CENPK: variants seen among roughly 807,000 people sequenced by gnomAD.
CENPK encodes the protein centromere protein K, also known as SoxLZ/Sox6-binding protein Solt.
CENPK carries 46 observed loss-of-function variants against 40.9 expected under a neutral mutation model. That is an observed-to-expected ratio of 1.13 (90% CI 0.89 to 1.44). The LOEUF (loss-of-function observed/expected upper bound fraction) is 1.44. CENPK is among the 40% of genes most tolerant of loss of function. The pLI, the probability that CENPK is intolerant of heterozygous loss-of-function variation, is 0.00. For missense variants in CENPK, 288 were observed against 303.5 expected, an observed-to-expected ratio of 0.95 and a Z score of 0.38; for synonymous variants, 107 against 104.4, an observed-to-expected ratio of 1.02 and a Z score of -0.15.
intron 10 of CENPK, among the ~76,000 whole-genome samples, chr5:65,518,967 A>G (rs1367196536): frequency 6.6e-6 from 1 of 152,210 alleles, no homozygotes; most frequent in Non-Finnish European, 1.5e-5. Context: ...AAAAACACAA[A>G]AAGTTAAAAA....
chr5:65,538,709 ATCTT>A (rs1330554064), intron 6 of CENPK, among the ~76,000 whole-genome samples: 3 of 152,282 alleles, frequency 2.0e-5, no homozygotes, highest in South Asian at 4.1e-4. Flanking sequence ...TGTTAACTTG[ATCTT>A]TCTGACTTTC....
At chr5:65,530,099 G>A (rs1344704811) in intron 6 of CENPK, among the ~76,000 whole-genome samples, 3 of 152,138 alleles carry the variant, frequency 2.0e-5, no homozygotes, top group East Asian at 1.9e-4. Context: ...CACCACGCCC[G>A]GCCCCAGGTA....
intron 4 of CENPK, among the ~76,000 whole-genome samples, chr5:65,551,886 CA>C (rs1750130541): frequency 1.3e-5 from 2 of 151,328 alleles, no homozygotes; most frequent in South Asian, 4.2e-4. Flanking sequence ...AGAGTAAAAT[CA>C]ATTCAGATTC....
intron 9 of CENPK, among the ~76,000 whole-genome samples, chr5:65,525,844 C>A (rs1744610266): frequency 6.7e-6 from 1 of 148,394 alleles, no homozygotes; most frequent in Non-Finnish European, 1.5e-5. Context: ...TGGTCACCTA[C>A]AAGCCAGGAA....
intron 6 of CENPK, among the ~76,000 whole-genome samples, chr5:65,542,313 T>C (rs1748113137): frequency 1.3e-5 from 2 of 152,204 alleles, no homozygotes; most frequent in Admixed American, 6.5e-5. Context: ...CTAACTTCAG[T>C]AATAGTTCTG....
chr5:65,533,474 ATGG>A (rs1746277488), intron 6 of CENPK, among the ~76,000 whole-genome samples: 1 of 152,280 alleles, frequency 6.6e-6, no homozygotes, highest in Non-Finnish European at 1.5e-5. Flanking sequence ...ATCACACTTA[ATGG>A]TGAAGGGGCA....
chr5:65,554,471 C>G (rs1340915563), intron 3 of CENPK, among the ~76,000 whole-genome samples: 2 of 152,132 alleles, frequency 1.3e-5, no homozygotes, highest in Non-Finnish European at 1.5e-5. Flanking sequence ...ATCCTTGACC[C>G]CTTCACCGGG....
At chr5:65,532,606 A>C (rs977682609) in intron 6 of CENPK, among the ~76,000 whole-genome samples, 6 of 152,106 alleles carry the variant, frequency 3.9e-5, no homozygotes, top group African/African-American at 1.4e-4. Context: ...AGATAAAATC[A>C]ATTTTTGTAT....
the CENPK span, among the ~76,000 whole-genome samples, chr5:65,510,374 AT>A: frequency 0.41 from 61,824 of 152,008 alleles, 12,922 homozygotes; most frequent in East Asian, 0.65. Context: ...GGTTTGAATG[AT>A]TGTCTCCTCC....
chr5:65,533,251 G>A (rs919742030), intron 6 of CENPK, among the ~76,000 whole-genome samples: 25 of 151,890 alleles, frequency 1.6e-4, no homozygotes, highest in African/African-American at 6.0e-4. Context: ...CTGGGAGGCT[G>A]AGGCAGGAGA....
chr5:65,503,935 C>T, the CENPK span, among the ~76,000 whole-genome samples: 2 of 150,854 alleles, frequency 1.3e-5, no homozygotes, highest in East Asian at 2.0e-4. Context: ...GGATTACAGG[C>T]GTGAGTCACC....
chr5:65,517,090 C>T (rs1334866595), downstream of CENPK, among the ~76,000 whole-genome samples: 2 of 151,988 alleles, frequency 1.3e-5, no homozygotes, highest in Non-Finnish European at 2.9e-5. Flanking sequence ...TACAGGTGTG[C>T]ACCACCACAC....
At chr5:65,510,437 G>C in the CENPK span, among the ~76,000 whole-genome samples, 1 of 152,168 alleles carries the variant, frequency 6.6e-6, no homozygotes, top group African/African-American at 2.4e-5. Context: ...TGACAGGCAG[G>C]GAGTTTAAGA....
chr5:65,535,541 C>T (rs910418762), intron 6 of CENPK, among the ~76,000 whole-genome samples: 20 of 152,162 alleles, frequency 1.3e-4, no homozygotes, highest in African/African-American at 4.8e-4. Context: ...TTACACAATA[C>T]CTGACTGACT....
chr5:65,550,711 A>C (rs939857149), intron 5 of CENPK: 2 of 152,228 alleles, frequency 1.3e-5, no homozygotes, highest in African/African-American at 4.8e-5. Flanking sequence ...GCACAATAAA[A>C]TGAGATGTGC....
At chr5:65,503,079 G>A in the CENPK span, among the ~76,000 whole-genome samples, 1 of 150,664 alleles carries the variant, frequency 6.6e-6, no homozygotes, top group Non-Finnish European at 1.5e-5. Flanking sequence ...GATTACAGGT[G>A]TGAGCCACCG....
Position 65,521,604 on chromosome 5 carries a change from A to C in CENPK, c.598-76T>G, listed in dbSNP as rs1008247939. The C allele has an allele frequency of 3.2e-5, 32 of 1,004,306 alleles. No homozygotes were observed. In the South Asian group the frequency reaches 4.4e-4, roughly 14 times the overall value. The allele number at this position is 1,004,306 out of a possible 1,614,324, so 62.2% of individuals were successfully genotyped here. Reference sequence around the variant, plus strand: ...GGTGAAATATTGGACTGTTTTTATAAGACTTTTATTTCTGAGACAGAGTTT... The same window carrying C: ...GGTGAAATATTGGACTGTTTTTATACGACTTTTATTTCTGAGACAGAGTTT... On this transcript the variant is annotated intron_variant, in intron 9 of 10. Transcript: ENST00000396679.
the CENPK span, among the ~76,000 whole-genome samples, chr5:65,505,718 G>T: frequency 6.6e-6 from 1 of 152,232 alleles, no homozygotes; most frequent in Non-Finnish European, 1.5e-5. Flanking sequence ...ACAGCATTCA[G>T]TGTACATGCT....
chr5:65,526,299 C>T (rs1191751056), intron 9 of CENPK, among the ~76,000 whole-genome samples: 1 of 152,048 alleles, frequency 6.6e-6, no homozygotes, highest in Non-Finnish European at 1.5e-5. Context: ...GGCAAGGAAT[C>T]ATGACTTTAA....
Sources: allele counts gnomAD v4.1 joint callset (sites outside exome capture counted in the v4.1 genomes callset), GRCh38; gene constraint gnomAD v4.1.1; transcripts MANE v1.5; gene names NCBI Gene and HGNC (gene_info 2026-07-23, HGNC 2026-07-21).